ATRNL1: variants seen among roughly 807,000 people sequenced by gnomAD.
ATRNL1 encodes the protein attractin-like protein 1.
In ATRNL1, 95 loss-of-function variants were observed where a neutral mutation model predicts 182.7. That is an observed-to-expected ratio of 0.52 (90% CI 0.44 to 0.62). The LOEUF is 0.62. Ranked by LOEUF, ATRNL1 falls within the 20% of genes least tolerant of loss-of-function variation. The probability of loss-of-function intolerance (pLI) is 0.00; values close to 1 mark genes in which losing one functional copy is unlikely to be tolerated. For synonymous variants in ATRNL1, 576 were observed against 568.3 expected (o/e 1.01, Z -0.19); for missense variants, 1,471 against 1,679.5 (o/e 0.88, Z 2.17).
chr10:115,111,660 A>G (rs1844261658), intron 1 of ATRNL1, among the ~76,000 whole-genome samples: 1 of 152,178 alleles, frequency 6.6e-6, no homozygotes, highest in African/African-American at 2.4e-5. Context: ...ATCTGCCTCC[A>G]TGACCCAAAC....
intron 6 of ATRNL1, 134 bp from the exon 7 acceptor site, chr10:115,165,424 A>G (rs1293221449): frequency 2.3e-6 from 1 of 433,936 alleles, no homozygotes; most frequent in East Asian, 3.3e-5. Context: ...GGCACATGAA[A>G]TTATGAGTTT....
intron 26 of ATRNL1, among the ~76,000 whole-genome samples, chr10:115,679,536 T>A (rs1312130387): frequency 6.6e-6 from 1 of 152,066 alleles, no homozygotes; most frequent in East Asian, 1.9e-4. Context: ...ATTGGGACTA[T>A]CTGACTTCTG....
chr10:115,595,372 C>T (rs1856178103), intron 26 of ATRNL1, among the ~76,000 whole-genome samples: 1 of 152,052 alleles, frequency 6.6e-6, no homozygotes, highest in Non-Finnish European at 1.5e-5. Flanking sequence ...TATATTTCTG[C>T]TTTGAGTGTA....
At chr10:115,497,983 C>G (rs1042843174) in intron 24 of ATRNL1, among the ~76,000 whole-genome samples, 25 of 152,200 alleles carry the variant, frequency 1.6e-4, no homozygotes, top group Non-Finnish European at 3.4e-4. Flanking sequence ...ATCATCAAAG[C>G]ATGAAATTAT....
At chr10:115,888,044 T>A (rs922169934) in intron 28 of ATRNL1, among the ~76,000 whole-genome samples, 3 of 152,190 alleles carry the variant, frequency 2.0e-5, no homozygotes, top group Non-Finnish European at 4.4e-5. Flanking sequence ...ATTGCTCTCA[T>A]GATAAAGACA....
chr10:115,110,300 G>A (rs1385532774), intron 1 of ATRNL1, among the ~76,000 whole-genome samples: 5 of 152,056 alleles, frequency 3.3e-5, no homozygotes. Context: ...ATTTCCCCTG[G>A]GTGCTAGCAG....
chr10:115,854,036 A>G lies in ATRNL1; in HGVS notation c.4018+6045A>G, dbSNP rs188368655. ...TCTATTATATGACAGCACTGGATAT[A>G]CTATAGTGAACCAAACAGTGTTCCT... On this transcript the variant is annotated intron_variant, in intron 28 of 28. Coordinates refer to ENST00000355044, the MANE Select transcript of ATRNL1 (RefSeq NM_207303.4). Among the ~76,000 whole-genome samples the G allele has an allele frequency of 2.0e-5, 3 of 152,326 alleles. No homozygotes were observed. The East Asian group carries it at 5.8e-4, about 29-fold the overall frequency.
At chr10:115,782,821 G>C (rs1016752208) in intron 27 of ATRNL1, among the ~76,000 whole-genome samples, 1 of 152,098 alleles carries the variant, frequency 6.6e-6, no homozygotes, top group Non-Finnish European at 1.5e-5. Context: ...CTATATAAAA[G>C]GGTTTCTAGG....
intron 27 of ATRNL1, among the ~76,000 whole-genome samples, chr10:115,742,766 AC>A (rs1555067996): frequency 3.9e-5 from 6 of 152,144 alleles, no homozygotes. Context: ...GCAGTTTTCC[AC>A]ATTGCTACTA....
intron 26 of ATRNL1, among the ~76,000 whole-genome samples, chr10:115,609,035 TAATA>T (rs1449248025): frequency 6.6e-6 from 1 of 152,054 alleles, no homozygotes; most frequent in Non-Finnish European, 1.5e-5. Flanking sequence ...AATATTTTGC[TAATA>T]AATATCTTTA....
intron 27 of ATRNL1, among the ~76,000 whole-genome samples, chr10:115,789,654 T>C (rs1382787358): frequency 6.6e-6 from 1 of 152,212 alleles, no homozygotes; most frequent in African/African-American, 2.4e-5. Flanking sequence ...TGTCATTTTT[T>C]CCTATTTTAA....
chr10:115,915,505 G>A (rs116455379), intron 28 of ATRNL1, among the ~76,000 whole-genome samples: 1,559 of 151,976 alleles, frequency 0.01, 28 homozygotes, highest in African/African-American at 0.036. Context: ...TTCTAGTTGG[G>A]AAAGACATCA....
intron 24 of ATRNL1, among the ~76,000 whole-genome samples, chr10:115,489,717 C>T (rs1440332867): frequency 2.6e-5 from 4 of 152,126 alleles, no homozygotes; most frequent in Non-Finnish European, 5.9e-5. Flanking sequence ...GCATTTAGCC[C>T]ATTTACAGTT....
At chr10:115,245,311 C>T (rs985652253) in intron 10 of ATRNL1, among the ~76,000 whole-genome samples, 1 of 151,652 alleles carries the variant, frequency 6.6e-6, no homozygotes, top group Non-Finnish European at 1.5e-5. Flanking sequence ...CCAGCCTGAC[C>T]AACATGGAGA....
At chr10:115,856,444 A>AAAAAAAAAAAAAAAAAAAAAAAAAAAAC (rs1269975986) in intron 28 of ATRNL1, among the ~76,000 whole-genome samples, 1 of 146,520 alleles carries the variant, frequency 6.8e-6, no homozygotes, top group Non-Finnish European at 1.5e-5. Flanking sequence ...AAAAAAAAAA[A>AAAAAAAAAAAAAAAAAAAAAAAAAAAAC]AAAAAAGCCA....
At chr10:115,667,379 A>G (rs1339681461) in intron 26 of ATRNL1, among the ~76,000 whole-genome samples, 1 of 152,174 alleles carries the variant, frequency 6.6e-6, no homozygotes, top group East Asian at 1.9e-4. Context: ...TGCGTTAATA[A>G]GTAATCTAAG....
chr10:115,547,254 CAAA>C (rs58330605), intron 25 of ATRNL1, among the ~76,000 whole-genome samples: 37 of 127,418 alleles, frequency 2.9e-4, no homozygotes, highest in African/African-American at 1.0e-3. Flanking sequence ...GACTCCATCT[CAAA>C]AAAAAAATAT....
At chr10:115,114,558 C>T (rs567841846) in intron 1 of ATRNL1, among the ~76,000 whole-genome samples, 2 of 151,910 alleles carry the variant, frequency 1.3e-5, no homozygotes, top group South Asian at 4.2e-4. Context: ...AACAAATAAC[C>T]CCTATTTAAA....
intron 24 of ATRNL1, among the ~76,000 whole-genome samples, chr10:115,494,770 A>G (rs1554977698): frequency 6.6e-6 from 1 of 152,160 alleles, no homozygotes; most frequent in African/African-American, 2.4e-5. Context: ...TCTTGCATCA[A>G]TGTTCATCAA....
Sources: gnomAD v4.1 joint callset for allele counts (sites outside exome capture counted in the v4.1 genomes callset) on GRCh38, gnomAD v4.1.1 for gene constraint, MANE v1.5 for transcripts, NCBI Gene and HGNC (gene_info 2026-07-23, HGNC 2026-07-21) for gene names.